HECA: variants seen among roughly 807,000 people sequenced by gnomAD.
HECA encodes the protein headcase protein homolog.
Under a neutral mutation model 37.6 loss-of-function variants are expected in HECA, and 13 were observed. The ratio of observed to expected loss-of-function variants is 0.35; its 90% CI spans 0.23 to 0.55. The LOEUF (loss-of-function observed/expected upper bound fraction) is 0.55. Ranked by LOEUF, HECA falls within the 20% of genes least tolerant of loss-of-function variation. The probability of loss-of-function intolerance (pLI) is 0.90; values close to 1 mark genes in which losing one functional copy is unlikely to be tolerated. For missense variants in HECA, 527 were observed against 701.9 expected, an observed-to-expected ratio of 0.75 and a Z score of 2.82; for synonymous variants, 307 against 291.5, an observed-to-expected ratio of 1.05 and a Z score of -0.54.
rs1291712682 is a variant in HECA at position 139,135,559 on chromosome 6, GCGGGCGCGC to G, written c.171_179del (p.Pro58_Ala60del). 1.0e-6 allele frequency: 1 copy of G among 976,098 alleles called. No homozygotes were observed. The highest frequency in any genetic ancestry group is 1.2e-6 in the Non-Finnish European group (1 of 825,400). The allele number at this position is 976,098 out of a possible 1,614,324, so 60.5% of individuals were successfully genotyped here. On this transcript the variant is annotated inframe_deletion, in exon 1 of 4. Coordinates refer to ENST00000367658, the MANE Select transcript of HECA (RefSeq NM_016217.3). ...GGCGGCCGGTTGCGGGGCGGCGGCGGCGGGCGCGCCGGGCGCCGGAGGCGCGGCGGGCGC... is the reference window on the plus strand; with the variant it reads ...GGCGGCCGGTTGCGGGGCGGCGGCGGCGGGCGCCGGAGGCGCGGCGGGCGC...
chr6:139,136,723 C>T (rs548544578), intron 1 of HECA, among the ~76,000 whole-genome samples: 9 of 152,018 alleles, frequency 5.9e-5, no homozygotes, highest in Admixed American at 4.6e-4. Flanking sequence ...CAACCACCGT[C>T]TTCCGGTCTG....
chr6:139,136,465 G>A lies in HECA; in HGVS notation c.271+798G>A, dbSNP rs987187666. ...GCCATGGTTTTCGTTATAAGGTGCT[G>A]GGCAAACACTTACTTATTTGGACAG... On this transcript the variant is annotated intron_variant, in intron 1 of 3. Transcript: ENST00000367658. 2.6e-5 allele frequency among the ~76,000 whole-genome samples: 4 copies of A among 152,006 alleles called. No individual in the cohort carries two copies. In the South Asian group the frequency reaches 8.3e-4, roughly 31 times the overall value.
intron 2 of HECA, among the ~76,000 whole-genome samples, chr6:139,168,790 G>A (rs999624300): frequency 2.6e-5 from 4 of 152,256 alleles, no homozygotes; most frequent in South Asian, 2.1e-4. Flanking sequence ...GACTTTCAAC[G>A]TCTGAGAATA....
At position 139,160,887 on chromosome 6, in the gene HECA, A is replaced by C. The variant is rs568208028; in HGVS notation, c.272-5397A>C. ...TACTATTTATAAAGTGTTTTCATGT[A>C]CATGAGCTGAATAGGGCAAGCATTT... On this transcript the variant is annotated intron_variant, in intron 1 of 3. Transcript: ENST00000367658. 3.3e-5 allele frequency among the ~76,000 whole-genome samples: 5 copies of C among 152,380 alleles called. No individual in the cohort carries two copies. In the South Asian group the frequency reaches 1.0e-3, roughly 32 times the overall value.
chr6:139,165,544 T>G (rs1234946100), intron 1 of HECA, among the ~76,000 whole-genome samples: 3 of 152,102 alleles, frequency 2.0e-5, no homozygotes, highest in Non-Finnish European at 4.4e-5. Context: ...AAAAATCCTC[T>G]GTGCTTCACC....
At chr6:139,156,633 T>A (rs781450105) in intron 1 of HECA, among the ~76,000 whole-genome samples, 1 of 152,214 alleles carries the variant, frequency 6.6e-6, no homozygotes, top group East Asian at 1.9e-4. Flanking sequence ...TGCTGTTAAT[T>A]TATGAAATAA....
At chr6:139,145,483 T>TG (rs1368469565) in intron 1 of HECA, among the ~76,000 whole-genome samples, 1 of 152,246 alleles carries the variant, frequency 6.6e-6, no homozygotes, top group East Asian at 1.9e-4. Flanking sequence ...GTCATATAAT[T>TG]GCTTAGATAG....
At chr6:139,173,768 T>A (rs901158998) in intron 2 of HECA, among the ~76,000 whole-genome samples, 1 of 152,218 alleles carries the variant, frequency 6.6e-6, no homozygotes, top group Non-Finnish European at 1.5e-5. Context: ...TGTTGTAACT[T>A]TTAAGAGCTC....
chr6:139,171,388 C>T (rs1282272747), intron 2 of HECA, among the ~76,000 whole-genome samples: 1 of 152,146 alleles, frequency 6.6e-6, no homozygotes, highest in Non-Finnish European at 1.5e-5. Context: ...ATAATGCGCA[C>T]ATTAGATGTG....
At chr6:139,173,502 G>T (rs1775005621) in intron 2 of HECA, among the ~76,000 whole-genome samples, 1 of 152,172 alleles carries the variant, frequency 6.6e-6, no homozygotes, top group Non-Finnish European at 1.5e-5. Context: ...CCCATAGTCT[G>T]ACTGATGGCA....
intron 1 of HECA, among the ~76,000 whole-genome samples, chr6:139,140,130 C>A (rs919306490): frequency 6.6e-6 from 1 of 152,096 alleles, no homozygotes; most frequent in African/African-American, 2.4e-5. Flanking sequence ...CTTTTTATAA[C>A]CGAGGTTTGT....
chr6:139,169,323 T>G (rs2114480812), intron 2 of HECA, among the ~76,000 whole-genome samples: 1 of 152,146 alleles, frequency 6.6e-6, no homozygotes, highest in East Asian at 1.9e-4. Context: ...CTCTTTATTC[T>G]GCTTTATGGA....
intron 1 of HECA, among the ~76,000 whole-genome samples, chr6:139,147,566 A>C (rs900449127): frequency 3.3e-5 from 5 of 152,230 alleles, no homozygotes; most frequent in Non-Finnish European, 4.4e-5. Flanking sequence ...AAAGGCTTGC[A>C]GTGAGCTGCA....
At chr6:139,144,585 G>C (rs1394719800) in intron 1 of HECA, 1 of 152,546 alleles carries the variant, frequency 6.6e-6, no homozygotes, top group Non-Finnish European at 1.5e-5. Flanking sequence ...GTCAAAGCTG[G>C]ATGTTTGTAG....
intron 3 of HECA, among the ~76,000 whole-genome samples, chr6:139,175,971 C>T (rs562707573): frequency 7.9e-5 from 12 of 152,282 alleles, no homozygotes; most frequent in African/African-American, 2.2e-4. Context: ...AAGTGTTAGA[C>T]GCTACTAATG....
At position 139,167,027 on chromosome 6, in the gene HECA, A is replaced by C. The variant is rs192382133; in HGVS notation, c.1015A>C (p.Thr339Pro). ...LAVHRGGHFD[T>P]PVQFLRRLDL... ...AGTTCACAGGGGGGGACACTTCGAC[A>C]CCCCCGTGCAGTTCCTTCGGCGGCT... Residue 339 changes from threonine (T) to proline (P), a missense_variant, in exon 2 of 4, where the codon ACC becomes CCC. By Grantham distance (38) the Thr-to-Pro change is conservative (BLOSUM62 -1). Transcript: ENST00000367658. 6.2e-7 allele frequency: 1 copy of C among 1,613,738 alleles called. No homozygotes were observed.
intron 1 of HECA, among the ~76,000 whole-genome samples, chr6:139,138,455 A>G (rs574560868): frequency 9.2e-5 from 14 of 152,356 alleles, no homozygotes; most frequent in African/African-American, 3.4e-4. Flanking sequence ...TCAGCTATCT[A>G]CATCTGCAAA....
At chr6:139,152,176 T>C (rs1231570965) in intron 1 of HECA, among the ~76,000 whole-genome samples, 1 of 152,184 alleles carries the variant, frequency 6.6e-6, no homozygotes, top group Non-Finnish European at 1.5e-5. Flanking sequence ...ACAAGGAAAA[T>C]ATGAATCTTC....
At position 139,166,306 on chromosome 6, in the gene HECA, G is replaced by A; in HGVS notation, c.294G>A (p.Leu98=). The change falls in exon 2 of 4, where the codon CTG becomes CTA. Residue 98 remains leucine (L), a synonymous_variant. Coordinates refer to ENST00000367658, the MANE Select transcript of HECA (RefSeq NM_016217.3). ...AKNEAPCATP[L]ICSFGRPVDL... is the part of the protein sequence containing the mutation. ...CAGAAGCCCCATGTGCCACTCCCCTGATCTGCAGCTTCGGTAGGCCGGTGG... is the reference window on the plus strand; with the variant it reads ...CAGAAGCCCCATGTGCCACTCCCCTAATCTGCAGCTTCGGTAGGCCGGTGG... 1.2e-6 allele frequency: 2 copies of A among 1,609,664 alleles called. No individual in the cohort carries two copies. Among genetic ancestry groups the A allele is most frequent in the Non-Finnish European group, 1.7e-6 (2 of 1,176,938 alleles).
Sources: allele counts gnomAD v4.1 joint callset (sites outside exome capture counted in the v4.1 genomes callset), GRCh38; gene constraint gnomAD v4.1.1; transcripts MANE v1.5; gene names NCBI Gene and HGNC (gene_info 2026-07-23, HGNC 2026-07-21).